The following SLIT3 variants were observed in gnomAD, a reference collection of about 807,000 sequenced individuals.
SLIT3 encodes the protein slit guidance ligand 3, also known as slit homolog 3 protein.
In SLIT3, 68 loss-of-function variants were observed where a neutral mutation model predicts 184.0. The observed-to-expected ratio is 0.37, with a 90% CI of 0.30 to 0.45. The LOEUF is 0.45. Among genes scored for constraint, SLIT3 ranks in the 20% least tolerant of loss-of-function variants. The pLI is 1.00. For missense variants in SLIT3, 1,707 were observed against 2,026.0 expected (o/e 0.84, Z 3.02); for synonymous variants, 831 against 828.6 (o/e 1.00, Z -0.05).
intron 4 of SLIT3, among the ~76,000 whole-genome samples, chr5:169,080,072 T>C (rs1758965786): frequency 6.6e-6 from 1 of 151,866 alleles, no homozygotes; most frequent in Admixed American, 6.6e-5. Context: ...TCAACTCCAA[T>C]ATAAGGACAA....
intron 4 of SLIT3, among the ~76,000 whole-genome samples, chr5:169,192,147 G>A (rs1763574191): frequency 6.6e-6 from 1 of 152,150 alleles, no homozygotes; most frequent in Non-Finnish European, 1.5e-5. Context: ...TGGACCCCCG[G>A]GCTGCTGAAC....
At chr5:169,119,182 AG>A (rs2113283071) in intron 4 of SLIT3, among the ~76,000 whole-genome samples, 1 of 152,336 alleles carries the variant, frequency 6.6e-6, no homozygotes, top group South Asian at 2.1e-4. Flanking sequence ...CCAGAGCAAA[AG>A]TCTTGGAGTT....
intron 4 of SLIT3, among the ~76,000 whole-genome samples, chr5:169,113,667 T>C (rs1481235034): frequency 6.7e-6 from 1 of 150,062 alleles, no homozygotes; most frequent in Admixed American, 6.6e-5. Flanking sequence ...TCTTTTTTTT[T>C]TTTTTTTGAG....
chr5:169,032,072 C>A (rs574036492), intron 4 of SLIT3, among the ~76,000 whole-genome samples: 3 of 152,268 alleles, frequency 2.0e-5, no homozygotes, highest in South Asian at 4.1e-4. Context: ...CATAACCAAC[C>A]CCTCTGGCCC....
rs187977139 is a variant in SLIT3 at position 169,154,077 on chromosome 5, A to G, written c.413+39402T>C. On this transcript the variant is annotated intron_variant, in intron 4 of 35. Transcript: ENST00000519560. ...AAGCTCCACCTCCTGGGTTCACGCC[A>G]TTCTCCTGCCTCAGCCTCCTGAGTA... Among the ~76,000 whole-genome samples the G allele has an allele frequency of 5.6e-4, 83 of 148,766 alleles. 1 individual carries two copies. In the East Asian group the frequency reaches 0.014, roughly 26 times the overall value.
At chr5:168,994,407 G>C (rs1581277683) in intron 4 of SLIT3, among the ~76,000 whole-genome samples, 1 of 151,938 alleles carries the variant, frequency 6.6e-6, no homozygotes, top group Admixed American at 6.6e-5. Context: ...CCTGGAACTT[G>C]CTCATACCCC....
intron 4 of SLIT3, among the ~76,000 whole-genome samples, chr5:168,921,728 T>A (rs1406591484): frequency 9.2e-5 from 14 of 152,196 alleles, no homozygotes; most frequent in Admixed American, 9.2e-4. Context: ...TCAGGGAGCA[T>A]CCTTGATCTT....
chr5:169,279,679 AT>A (rs760429260), intron 1 of SLIT3, among the ~76,000 whole-genome samples: 2 of 152,248 alleles, frequency 1.3e-5, no homozygotes, highest in Non-Finnish European at 2.9e-5. Flanking sequence ...TTATAATGTT[AT>A]CCATAAATTA....
chr5:168,816,398 G>A (rs1209049046), intron 8 of SLIT3, among the ~76,000 whole-genome samples: 2 of 152,122 alleles, frequency 1.3e-5, no homozygotes, highest in African/African-American at 4.8e-5. Flanking sequence ...TGTTGGTCAA[G>A]CTGGTCTTGA....
At chr5:169,085,016 C>T (rs950170004) in intron 4 of SLIT3, among the ~76,000 whole-genome samples, 3 of 152,192 alleles carry the variant, frequency 2.0e-5, no homozygotes, top group Non-Finnish European at 4.4e-5. Context: ...CAGCTATAAA[C>T]GTTTTACAAG....
At chr5:168,937,194 C>G (rs1762186209) in intron 4 of SLIT3, among the ~76,000 whole-genome samples, 1 of 152,020 alleles carries the variant, frequency 6.6e-6, no homozygotes, top group African/African-American at 2.4e-5. Flanking sequence ...TCAGTGCACC[C>G]AGAGCACAGA....
intron 9 of SLIT3, 22 bp downstream of exon 9, chr5:168,806,424 G>T (rs778921560): frequency 6.2e-7 from 1 of 1,613,862 alleles, no homozygotes; most frequent in South Asian, 1.1e-5. Context: ...AGTTGTTGGG[G>T]GTGTCAGACA....
intron 4 of SLIT3, among the ~76,000 whole-genome samples, chr5:169,063,844 A>G (rs1210068997): frequency 1.3e-5 from 2 of 152,242 alleles, no homozygotes; most frequent in Non-Finnish European, 2.9e-5. Flanking sequence ...AGGTGTTAAC[A>G]ACTACTGCAA....
intron 1 of SLIT3, among the ~76,000 whole-genome samples, chr5:169,273,044 C>T (rs1460836639): frequency 1.3e-5 from 2 of 152,152 alleles, no homozygotes; most frequent in Non-Finnish European, 2.9e-5. Context: ...AGCACCGACA[C>T]ACATGGTGCC....
chr5:169,079,951 AGAAG>A (rs565899055), intron 4 of SLIT3, among the ~76,000 whole-genome samples: 5 of 146,864 alleles, frequency 3.4e-5, no homozygotes, highest in South Asian at 2.2e-4. Context: ...GAGAAGAGGG[AGAAG>A]GAAGAAGAGG....
At chr5:169,021,841 A>G (rs1156838692) in intron 4 of SLIT3, among the ~76,000 whole-genome samples, 1 of 152,210 alleles carries the variant, frequency 6.6e-6, no homozygotes, top group African/African-American at 2.4e-5. Context: ...GTTGCTCACC[A>G]TGGCAGCCTC....
At chr5:168,994,820 T>A (rs144746345) in intron 4 of SLIT3, among the ~76,000 whole-genome samples, 2 of 151,832 alleles carry the variant, frequency 1.3e-5, no homozygotes, top group East Asian at 3.9e-4. Flanking sequence ...TGTTTGTATT[T>A]TTCTAGAAAC....
intron 4 of SLIT3, among the ~76,000 whole-genome samples, chr5:169,169,049 C>T (rs1248440144): frequency 1.3e-5 from 2 of 151,912 alleles, no homozygotes; most frequent in African/African-American, 2.4e-5. Flanking sequence ...GGGGGGGGAT[C>T]ACCTTTTTCT....
chr5:169,279,990 C>T (rs1357116344), intron 1 of SLIT3, among the ~76,000 whole-genome samples: 2 of 152,244 alleles, frequency 1.3e-5, no homozygotes, highest in Non-Finnish European at 1.5e-5. Context: ...TGGCAATCAT[C>T]AATGCTACCT....
Sources: allele counts gnomAD v4.1 joint callset (sites outside exome capture counted in the v4.1 genomes callset), GRCh38; gene constraint gnomAD v4.1.1; transcripts MANE v1.5; gene names NCBI Gene and HGNC (gene_info 2026-07-23, HGNC 2026-07-21).